TTC3: variants seen among roughly 807,000 people sequenced by gnomAD.
TTC3 encodes E3 ubiquitin-protein ligase TTC3.
In TTC3, 180 loss-of-function variants were observed where a neutral mutation model predicts 249.6. The observed-to-expected ratio is 0.72, with a 90% CI of 0.64 to 0.82. The LOEUF (loss-of-function observed/expected upper bound fraction) is 0.82. Among genes scored for constraint, TTC3 ranks in the 40% least tolerant of loss-of-function variants. The probability of loss-of-function intolerance (pLI) is 0.00; values close to 1 mark genes in which losing one functional copy is unlikely to be tolerated. For synonymous variants in TTC3, 717 were observed against 805.0 expected (o/e 0.89, Z 1.85); for missense variants, 2,061 against 2,398.4 (o/e 0.86, Z 2.94).
chr21:37,180,536 C>T (rs1320194416), intron 35 of TTC3, among the ~76,000 whole-genome samples: 1 of 139,998 alleles, frequency 7.1e-6, no homozygotes, highest in Non-Finnish European at 1.5e-5. Context: ...TGCATATTCT[C>T]ACTCATAGGT....
exon 46 of TTC3, chr21:37,202,111 T>A (rs1737453257): frequency 1.3e-5 from 2 of 152,264 alleles, no homozygotes; most frequent in African/African-American, 4.8e-5. Flanking sequence ...ATAGTTAATG[T>A]TAAAATATTG....
chr21:37,160,706 T>G (rs1003981700), intron 29 of TTC3, 96 bp from the exon 30 acceptor site: 2 of 1,250,600 alleles, frequency 1.6e-6, no homozygotes, highest in African/African-American at 3.1e-5. Flanking sequence ...TACATTTAAC[T>G]TATGGCTAGT....
chr21:37,125,882 G>A (rs201556096), intron 14 of TTC3, among the ~76,000 whole-genome samples, 198 bp from the exon 15 acceptor site: 10 of 180 alleles, frequency 0.056, no homozygotes, highest in African/African-American at 0.12. Context: ...GAATTTGTTC[G>A]TTGCCATATC....
intron 15 of TTC3, among the ~76,000 whole-genome samples, chr21:37,127,102 G>T (rs564543418): frequency 6.6e-6 from 1 of 152,106 alleles, no homozygotes; most frequent in South Asian, 2.1e-4. Context: ...CAATCCTCTC[G>T]CCTTGGCCTC....
intron 11 of TTC3, among the ~76,000 whole-genome samples, chr21:37,108,952 T>C (rs1172382763): frequency 6.6e-6 from 1 of 152,192 alleles, no homozygotes; most frequent in African/African-American, 2.4e-5. Context: ...GATTTACAGC[T>C]GGAATATGCA....
At chr21:37,157,560 G>A (rs1320125368) in intron 28 of TTC3, among the ~76,000 whole-genome samples, 1 of 152,184 alleles carries the variant, frequency 6.6e-6, no homozygotes, top group Non-Finnish European at 1.5e-5. Flanking sequence ...GGGCATCAAA[G>A]GAAGGACCCA....
rs2072750284 is a variant in TTC3, at chr21:37,088,106, C to T, written c.188-90C>T. On this transcript the variant is annotated intron_variant, in intron 3 of 45. Transcript: ENST00000355666. ...TTCATTCATTCATTTCTTCCCTCTCCATATCCATTTTTGCCTTTTTACTAT... is the reference window on the plus strand; with the variant it reads ...TTCATTCATTCATTTCTTCCCTCTCTATATCCATTTTTGCCTTTTTACTAT... 2.6e-6 allele frequency: 3 copies of T among 1,170,318 alleles called. No homozygotes were observed. In the South Asian group the frequency reaches 5.3e-5, roughly 21 times the overall value. 72.5% of individuals were successfully genotyped at this position (1,170,318 alleles called of 1,614,324 possible). A position where few individuals can be genotyped will look rare whatever the true frequency, so the allele number is the denominator to read the frequency against.
chr21:37,193,315 C>G (rs915276604), intron 41 of TTC3, among the ~76,000 whole-genome samples: 1 of 151,822 alleles, frequency 6.6e-6, no homozygotes, highest in African/African-American at 2.4e-5. Context: ...ATGTCTCTTT[C>G]TCACCAGTAC....
At chr21:37,176,079 G>A (rs767983359) in intron 35 of TTC3, among the ~76,000 whole-genome samples, 3 of 152,154 alleles carry the variant, frequency 2.0e-5, no homozygotes, top group Non-Finnish European at 4.4e-5. Flanking sequence ...GTGAGGCACC[G>A]TGCCTGGCCA....
chr21:37,120,693 A>AC (rs2076515412), intron 11 of TTC3, among the ~76,000 whole-genome samples: 1 of 152,092 alleles, frequency 6.6e-6, no homozygotes, highest in African/African-American at 2.4e-5. Context: ...GTCTAAAAAA[A>AC]CTCCAGAACC....
chr21:37,085,181 G>A (rs1428927226), intron 1 of TTC3, among the ~76,000 whole-genome samples: 2 of 152,278 alleles, frequency 1.3e-5, no homozygotes, highest in East Asian at 1.9e-4. Context: ...GGCTGTGACA[G>A]TTCTTGGCTC....
At chr21:37,106,981 C>G (rs1470305036) in intron 10 of TTC3, among the ~76,000 whole-genome samples, 1 of 152,060 alleles carries the variant, frequency 6.6e-6, no homozygotes, top group African/African-American at 2.4e-5. Context: ...ACCGCAGTAT[C>G]ACCTTTGTCA....
chr21:37,198,012 T>A lies in TTC3; in HGVS notation c.5837T>A (p.Val1946Asp), dbSNP rs1569205533. The change falls in exon 44 of 46, where the codon GTC becomes GAC. Residue 1946 changes from valine (V) to aspartate (D), a missense_variant. Coordinates refer to ENST00000355666, the Ensembl canonical transcript of TTC3. The stretch of plus-strand genomic sequence containing the variant: ...ACCAAGGGGCAGAAAGCAGAAGATG[T>A]CCCTGTGAGGATTGTATGTATAACT... The A allele has an allele frequency of 1.2e-6, 2 of 1,611,356 alleles. No individual in the cohort carries two copies. The highest frequency in any genetic ancestry group is 1.7e-6 in the Non-Finnish European group (2 of 1,179,222).
At position 37,147,463 on chromosome 21, in the gene TTC3, T is replaced by C. The variant is rs1475560389; in HGVS notation, c.1894-18T>C. 4 of 1,589,950 alleles carry C rather than the reference T, an allele frequency of 2.5e-6. No individual in the cohort carries two copies. Among genetic ancestry groups the C allele is most frequent in the Non-Finnish European group, 3.4e-6 (4 of 1,171,694 alleles). On this transcript the variant is annotated intron_variant, in intron 21 of 45. Transcript: ENST00000355666. Reference sequence around the variant, plus strand: ...GATTAGTATTGTAATGGTATCATTTTTGTTTATTTTGTTTTAGATGCTGTT... The same window carrying C: ...GATTAGTATTGTAATGGTATCATTTCTGTTTATTTTGTTTTAGATGCTGTT...
chr21:37,180,729 G>A (rs1248623517), intron 35 of TTC3, among the ~76,000 whole-genome samples: 1 of 146,130 alleles, frequency 6.8e-6, no homozygotes, highest in Non-Finnish European at 1.5e-5. Flanking sequence ...CCTGCACAAT[G>A]TGCACATGTA....
chr21:37,092,206 G>A (rs1232404382), intron 7 of TTC3, among the ~76,000 whole-genome samples: 2 of 152,198 alleles, frequency 1.3e-5, no homozygotes, highest in African/African-American at 4.8e-5. Flanking sequence ...TCTTGAAACA[G>A]GAAAGGTTTG....
intron 10 of TTC3, among the ~76,000 whole-genome samples, chr21:37,104,588 CAAAA>C (rs141618903): frequency 1.2e-4 from 12 of 104,298 alleles, no homozygotes; most frequent in South Asian, 3.4e-4. Context: ...AACTCCGTCT[CAAAA>C]AAAAAAAAAA....
At chr21:37,081,124 T>TTC (rs1448935260) in intron 1 of TTC3, among the ~76,000 whole-genome samples, 1 of 137,446 alleles carries the variant, frequency 7.3e-6, no homozygotes. Context: ...TTTTTTTTTT[T>TTC]TTTTTTTTTT....
chr21:37,152,387 T>C (rs1225408088), intron 26 of TTC3, among the ~76,000 whole-genome samples: 1 of 151,636 alleles, frequency 6.6e-6, no homozygotes, highest in Non-Finnish European at 1.5e-5. Flanking sequence ...TTGTTTTTTT[T>C]TTTTGTTTTT....
Sources: gnomAD v4.1 joint callset for allele counts (sites outside exome capture counted in the v4.1 genomes callset) on GRCh38, gnomAD v4.1.1 for gene constraint, MANE v1.5 for transcripts, NCBI Gene and HGNC (gene_info 2026-07-23, HGNC 2026-07-21) for gene names.